ERICH6B: variants seen among roughly 807,000 people sequenced by gnomAD.
ERICH6B encodes the protein glutamate rich 6B.
A neutral mutation model predicts 80.0 loss-of-function variants in ERICH6B; 69 were observed. The ratio of observed to expected loss-of-function variants is 0.86; its 90% confidence interval spans 0.71 to 1.05. The LOEUF is 1.05. ERICH6B is among the 50% of genes least tolerant of loss of function. The probability of loss-of-function intolerance (pLI) is 0.00; values close to 1 mark genes in which losing one functional copy is unlikely to be tolerated. For missense variants in ERICH6B, 754 were observed against 796.1 expected, an observed-to-expected ratio of 0.95 and a Z score of 0.64; for synonymous variants, 283 against 291.9, an observed-to-expected ratio of 0.97 and a Z score of 0.31.
intron 11 of ERICH6B, among the ~76,000 whole-genome samples, chr13:45,554,535 C>T (rs1386959762): frequency 2.0e-5 from 3 of 152,146 alleles, no homozygotes; most frequent in Non-Finnish European, 4.4e-5. Flanking sequence ...GCTTTCTGTT[C>T]GTCGAATTCA....
chr13:45,575,041 C>T, intron 7 of ERICH6B, 111 bp from the exon 8 acceptor site: 1 of 678,886 alleles, frequency 1.5e-6, no homozygotes, highest in South Asian at 1.9e-5. Context: ...CTTTGCCCTT[C>T]CAAAAAATGC....
At chr13:45,580,382 G>A (rs878951975) in intron 6 of ERICH6B, among the ~76,000 whole-genome samples, 21 of 152,072 alleles carry the variant, frequency 1.4e-4, no homozygotes, top group South Asian at 2.1e-4. Context: ...AAATGCCAGC[G>A]CACTTAACTT....
intron 3 of ERICH6B, among the ~76,000 whole-genome samples, chr13:45,592,805 T>A (rs78568239): frequency 1.3e-5 from 2 of 152,344 alleles, no homozygotes; most frequent in East Asian, 3.9e-4. Context: ...GCCTTTCTTC[T>A]TGTAAGATTA....
At chr13:45,569,065 T>C (rs750250352) in intron 8 of ERICH6B, among the ~76,000 whole-genome samples, 34 of 152,222 alleles carry the variant, frequency 2.2e-4, no homozygotes, top group Non-Finnish European at 4.6e-4. Context: ...CATAGCACCT[T>C]GTGCATCACT....
chr13:45,603,718 C>T (rs1949840214), intron 2 of ERICH6B, among the ~76,000 whole-genome samples: 1 of 152,216 alleles, frequency 6.6e-6, no homozygotes, highest in Non-Finnish European at 1.5e-5. Flanking sequence ...TCCTCCCCTG[C>T]CCGTTCCTAG....
chr13:45,606,233 C>T (rs973380523), intron 2 of ERICH6B, among the ~76,000 whole-genome samples: 2 of 152,044 alleles, frequency 1.3e-5, no homozygotes, highest in East Asian at 3.9e-4. Context: ...AGATAAAGAA[C>T]CTTTCAATTA....
At chr13:45,575,069 T>A in intron 7 of ERICH6B, 139 bp from the exon 8 acceptor site, 1 of 613,760 alleles carries the variant, frequency 1.6e-6, no homozygotes, top group Non-Finnish European at 2.9e-6. Flanking sequence ...ATCAATGAGA[T>A]GTTAAATAGG....
intron 2 of ERICH6B, 115 bp from the exon 3 acceptor site, chr13:45,597,178 A>T (rs2138023845): frequency 1.4e-6 from 1 of 727,188 alleles, no homozygotes; most frequent in Non-Finnish European, 2.2e-6. Flanking sequence ...CTCTTTAAGT[A>T]TGCAGATCAG....
chr13:45,560,023 C>T (rs1053378984), intron 11 of ERICH6B, among the ~76,000 whole-genome samples: 1 of 152,030 alleles, frequency 6.6e-6, no homozygotes, highest in African/African-American at 2.4e-5. Flanking sequence ...TTTCTTAGGT[C>T]CAGTAGTAAT....
chr13:45,604,267 C>G (rs1343656278), intron 2 of ERICH6B, among the ~76,000 whole-genome samples: 2 of 152,240 alleles, frequency 1.3e-5, no homozygotes, highest in African/African-American at 4.8e-5. Flanking sequence ...TTTGGCTCAT[C>G]CAAATAATTT....
intron 5 of ERICH6B, among the ~76,000 whole-genome samples, chr13:45,585,354 C>A (rs971503499): frequency 6.6e-6 from 1 of 152,120 alleles, no homozygotes; most frequent in African/African-American, 2.4e-5. Flanking sequence ...GACCCAGGAC[C>A]CAGGAGCTGC....
rs757304159 is a variant in ERICH6B at position 45,550,076 on chromosome 13, T to C, written c.1494-31A>G. ...AGAAGGTTAAGGCACAAGTAGTCAG[T>C]CCTTGGGGTCCCCTGGAAAAGGTAG... On this transcript the variant is annotated intron_variant, in intron 12 of 14. Transcript: ENST00000298738. The C allele has an allele frequency of 2.7e-5, 42 of 1,549,592 alleles. No homozygotes were observed. In the South Asian group the frequency reaches 3.6e-4, roughly 13 times the overall value.
At position 45,580,720 on chromosome 13, in the gene ERICH6B, G is replaced by A. The variant is rs372374780; in HGVS notation, c.857-55C>T. 37 of 1,527,822 alleles carry A rather than the reference G, an allele frequency of 2.4e-5. 2 individuals are homozygous for A. In the East Asian group the frequency reaches 2.4e-4, roughly 10 times the overall value. 94.6% of individuals were successfully genotyped at this position (1,527,822 alleles called of 1,614,324 possible). On this transcript the variant is annotated intron_variant, in intron 5 of 14. Transcript: ENST00000298738. The stretch of plus-strand genomic sequence containing the variant: ...AATGATTTAAACCTTACATTTTCCA[G>A]TGGGTTCATACTGGGTATGTGGGGT...
rs549827707 is a variant in ERICH6B, at chr13:45,573,933, A to T, written c.1050+909T>A. Reference sequence around the variant, plus strand: ...AATCCAAAGCAGTAAATCTAAATTTATGTCATTTTTTTTCCTCCCTTCATT... The same window carrying T: ...AATCCAAAGCAGTAAATCTAAATTTTTGTCATTTTTTTTCCTCCCTTCATT... On this transcript the variant is annotated intron_variant, in intron 8 of 14. Coordinates refer to ENST00000298738, the MANE Select transcript of ERICH6B (RefSeq NM_182542.3). Among the ~76,000 whole-genome samples the T allele has an allele frequency of 3.3e-5, 5 of 152,294 alleles. No homozygotes were observed. The East Asian group carries it at 9.6e-4, about 29-fold the overall frequency.
At chr13:45,599,442 A>G (rs529954779) in intron 2 of ERICH6B, among the ~76,000 whole-genome samples, 110 of 152,362 alleles carry the variant, frequency 7.2e-4, no homozygotes, top group African/African-American at 2.5e-3. Context: ...ATTCATGAAT[A>G]GAACCATTCT....
Position 45,561,404 on chromosome 13 carries a change from C to T in ERICH6B, c.1372G>A (p.Glu458Lys), listed in dbSNP as rs1196572921. The change falls in exon 11 of 15, where the codon GAA becomes AAA. Residue 458 changes from glutamate to lysine, a missense_variant. Glu to Lys is a moderately conservative substitution (Grantham distance 56). Coordinates refer to ENST00000298738, the MANE Select transcript of ERICH6B (RefSeq NM_182542.3). ...TTCTGTATCCATTCCTTATCTCGTTCTAATTTCTTCCTATGATGAACAACA... is the reference window on the plus strand; with the variant it reads ...TTCTGTATCCATTCCTTATCTCGTTTTAATTTCTTCCTATGATGAACAACA... ...QRVVHHRKKL[E>K]RDKEWIQKKT... The T allele has an allele frequency of 1.2e-5, 18 of 1,552,352 alleles. 1 individual carries two copies. The highest frequency in any genetic ancestry group is 3.3e-4 in the Middle Eastern group (2 of 5,998).
chr13:45,544,836 C>T lies in ERICH6B; in HGVS notation c.1796G>A (p.Arg599Lys). ...KINEYIQVQI[R>K]SQDKIIFCFT... ...GCAGAAGATGATCTTATCCTGGCTC[C>T]TTATTTGTACCTGGATGTACTCATT... Residue 599 changes from arginine (R) to lysine (K), a missense_variant, in exon 14 of 15, where the codon AGG becomes AAG. Transcript: ENST00000298738. 6.4e-7 allele frequency: 1 copy of T among 1,551,684 alleles called. No individual in the cohort carries two copies. Among genetic ancestry groups the T allele is most frequent in the East Asian group, 2.4e-5 (1 of 40,918 alleles).
chr13:45,576,362 A>G (rs1593789874), intron 7 of ERICH6B, among the ~76,000 whole-genome samples: 1 of 152,242 alleles, frequency 6.6e-6, no homozygotes, highest in Admixed American at 6.5e-5. Context: ...CCACTGGGGT[A>G]CCCACAACAG....
chr13:45,556,523 A>G (rs974133913), intron 11 of ERICH6B, among the ~76,000 whole-genome samples: 13 of 151,992 alleles, frequency 8.6e-5, no homozygotes, highest in African/African-American at 2.7e-4. Context: ...ACTGAACCCA[A>G]TTTGTAGTCT....
Sources: allele counts gnomAD v4.1 joint callset (sites outside exome capture counted in the v4.1 genomes callset), GRCh38; gene constraint gnomAD v4.1.1; transcripts MANE v1.5; gene names NCBI Gene and HGNC (gene_info 2026-07-23, HGNC 2026-07-21).